The following EEF1G variants were observed in gnomAD, a reference collection of about 807,000 sequenced individuals.
The protein encoded by EEF1G is eukaryotic translation elongation factor 1 gamma, also known as elongation factor 1-gamma.
A neutral mutation model predicts 58.3 loss-of-function variants in EEF1G; 14 were observed. That is an observed-to-expected ratio of 0.24 (90% CI 0.16 to 0.38). The LOEUF is 0.38. EEF1G is among the 10% of genes least tolerant of loss of function. The probability of loss-of-function intolerance (pLI) is 1.00; values close to 1 mark genes in which losing one functional copy is unlikely to be tolerated. For synonymous variants in EEF1G, 180 were observed against 206.8 expected (o/e 0.87, Z 1.11); for missense variants, 322 against 550.1 (o/e 0.59, Z 4.15).
At position 62,568,387 on chromosome 11, in the gene EEF1G, C is replaced by CA. The variant is rs56838630; in HGVS notation, c.523-860dup. ...TGGGTGACAGAGTGAGACTCTGTCT[C>CA]AAAAAAAAAAAAAAAAAAAAAAAAT... On this transcript the variant is annotated intron_variant, in intron 5 of 9. Coordinates refer to ENST00000329251, the MANE Select transcript of EEF1G (RefSeq NM_001404.5). Among the ~76,000 whole-genome samples, 203 of 59,996 alleles carry CA rather than the reference C, an allele frequency of 3.4e-3. 1 individual carries two copies. Among genetic ancestry groups the CA allele is most frequent in the Admixed American group, 7.4e-3 (38 of 5,168 alleles). 39.4% of individuals were successfully genotyped at this position (59,996 alleles called of 152,430 possible).
intron 7 of EEF1G, 77 bp from the exon 8 acceptor site, chr11:62,560,531 C>G (rs1423108800): frequency 7.4e-6 from 11 of 1,489,568 alleles, no homozygotes; most frequent in Non-Finnish European, 9.1e-6. Flanking sequence ...GGTGCTTTCA[C>G]TTAAAATTTA....
At chr11:62,572,513 C>T in intron 2 of EEF1G, 71 bp downstream of exon 2, 1 of 1,586,114 alleles carries the variant, frequency 6.3e-7, no homozygotes, top group Non-Finnish European at 8.6e-7. Flanking sequence ...ATGGGGGCCA[C>T]CACCAGAGTG....
chr11:62,563,582 T>C (rs758602127), intron 7 of EEF1G, among the ~76,000 whole-genome samples: 1 of 152,252 alleles, frequency 6.6e-6, no homozygotes, highest in Admixed American at 6.5e-5. Flanking sequence ...AACATTTTAA[T>C]GGCCAAACAA....
chr11:62,573,180 G>GA (rs1342313585), intron 1 of EEF1G: 1 of 158,256 alleles, frequency 6.3e-6, no homozygotes, highest in East Asian at 1.9e-4. Flanking sequence ...TGTCTCTAAG[G>GA]CACGCACGAC....
At chr11:62,572,031 C>T in intron 2 of EEF1G, 130 bp from the exon 3 acceptor site, 1 of 782,324 alleles carries the variant, frequency 1.3e-6, no homozygotes, top group Non-Finnish European at 2.1e-6. Flanking sequence ...TCTTGATACT[C>T]AAGAACCATA....
chr11:62,565,468 T>C (rs1248159621), intron 7 of EEF1G, among the ~76,000 whole-genome samples: 3 of 152,150 alleles, frequency 2.0e-5, no homozygotes, highest in South Asian at 4.1e-4. Flanking sequence ...TTAATAAACA[T>C]TCCCAAAACC....
At chr11:62,570,353 T>C (rs775383324) in intron 5 of EEF1G, among the ~76,000 whole-genome samples, 1 of 152,068 alleles carries the variant, frequency 6.6e-6, no homozygotes, top group Non-Finnish European at 1.5e-5. Flanking sequence ...TTAGACACAG[T>C]GCCTGGCCTG....
intron 5 of EEF1G, among the ~76,000 whole-genome samples, chr11:62,569,482 CATAA>C (rs1209836478): frequency 1.3e-5 from 2 of 152,044 alleles, no homozygotes; most frequent in East Asian, 3.9e-4. Context: ...AAAATAAATA[CATAA>C]ATAAATAAAT....
chr11:62,567,390 C>A lies in EEF1G; in HGVS notation c.652+9G>T. 6.2e-7 allele frequency: 1 copy of A among 1,608,594 alleles called. No individual in the cohort carries two copies. The highest frequency in any genetic ancestry group is 8.5e-7 in the Non-Finnish European group (1 of 1,177,220). On this transcript the variant is annotated intron_variant, in intron 6 of 9. Coordinates refer to ENST00000329251, the MANE Select transcript of EEF1G (RefSeq NM_001404.5). ...CTGGCCATATGCCTCCCAGTCTCCT[C>A]AGACTCACCATCAAACTGGGCCATC...
Position 62,566,921 on chromosome 11 carries a change from G to C in EEF1G, c.742C>G (p.Arg248Gly), listed in dbSNP as rs371308314. ...REEKQKPQAERKEEKKAAAPA... is the reference protein window; with the variant it reads ...REEKQKPQAEGKEEKKAAAPA... ...GCAGCCGCCTTTTTCTCCTCCTTCC[G>C]CTCAGCCTGGGGCTTCTGCTTCTCT... The change falls in exon 7 of 10, where the codon CGG (arginine) becomes GGG (glycine). Residue 248 changes from arginine to glycine, a missense_variant. Transcript: ENST00000329251. 3.7e-6 allele frequency: 6 copies of C among 1,613,752 alleles called. No individual in the cohort carries two copies. The East Asian group carries it at 1.3e-4, about 36-fold the overall frequency.
At chr11:62,570,266 T>G (rs1027005266) in intron 5 of EEF1G, among the ~76,000 whole-genome samples, 4 of 152,132 alleles carry the variant, frequency 2.6e-5, no homozygotes, top group African/African-American at 9.7e-5. Flanking sequence ...TTCGCCATGC[T>G]GGCCAGGATG....
In EEF1G at chr11:62,571,881, A is replaced by C; in HGVS notation, c.192T>G (p.Asp64Glu). The C allele has an allele frequency of 1.3e-6, 2 of 1,584,578 alleles. No individual in the cohort carries two copies. The highest frequency in any genetic ancestry group is 1.7e-6 in the Non-Finnish European group (2 of 1,165,188). ...PAGKVPAFEG[D>E]DGFCVFESNA... is the part of the protein sequence containing the mutation. Reference sequence around the variant, plus strand: ...TGCTCTCAAACACACAGAATCCATCATCACCCTCAAATGCTGGGACCTGGG... The same window carrying C: ...TGCTCTCAAACACACAGAATCCATCCTCACCCTCAAATGCTGGGACCTGGG... The change falls in exon 3 of 10, where the codon GAT becomes GAG. Residue 64 changes from aspartate (D) to glutamate (E), a missense_variant. Around this residue, in one of 3 missense-constraint regions of EEF1G, gnomAD observed 62 missense variants for 87.0 expected, o/e 0.71. Coordinates refer to ENST00000329251, the MANE Select transcript of EEF1G (RefSeq NM_001404.5).
chr11:62,559,984 ACATC>A, intron 9 of EEF1G, 81 bp downstream of exon 9: 3 of 1,607,192 alleles, frequency 1.9e-6, no homozygotes, highest in Non-Finnish European at 1.7e-6. Flanking sequence ...ACCCTCCTAA[ACATC>A]CATCAACTCA....
At chr11:62,570,071 T>C (rs148136007) in intron 5 of EEF1G, among the ~76,000 whole-genome samples, 1 of 152,076 alleles carries the variant, frequency 6.6e-6, no homozygotes, top group East Asian at 1.9e-4. Flanking sequence ...AGCTTTTTTT[T>C]TTTTTTTGAG....
In EEF1G at chr11:62,566,951, G is replaced by A. The variant is rs778611401; in HGVS notation, c.712C>T (p.Arg238Trp). The A allele has an allele frequency of 1.2e-6, 2 of 1,613,952 alleles. No individual in the cohort carries two copies. The highest frequency in any genetic ancestry group is 1.1e-5 in the South Asian group (1 of 91,074). Residue 238 changes from arginine (R) to tryptophan (W), a missense_variant, in exon 7 of 10, where the codon CGG (arginine) becomes TGG (tryptophan). Coordinates refer to ENST00000329251, the MANE Select transcript of EEF1G (RefSeq NM_001404.5). ...GCCTGGGGCTTCTGCTTCTCTTCCC[G>A]TGAACCCTTCTCTTTCCGTGGTGTG... ...KDTPRKEKGS[R>W]EEKQKPQAER... is the part of the protein sequence containing the mutation.
chr11:62,572,000 G>T, intron 2 of EEF1G, 99 bp from the exon 3 acceptor site: 2 of 1,017,248 alleles, frequency 2.0e-6, no homozygotes, highest in Non-Finnish European at 3.0e-6. Context: ...ATATAAGGCT[G>T]ATGATTCTCA....
At chr11:62,571,514 G>C (rs1941631087) in intron 4 of EEF1G, 26 bp downstream of exon 4, 1 of 1,580,306 alleles carries the variant, frequency 6.3e-7, no homozygotes, top group East Asian at 2.3e-5. Flanking sequence ...CCTGCCCCTG[G>C]CTTCTCTCAA....
intron 1 of EEF1G, chr11:62,573,488 C>A: frequency 6.8e-6 from 3 of 441,568 alleles, no homozygotes; most frequent in Non-Finnish European, 8.3e-6. Context: ...TTCAACCTGT[C>A]CCCTGTGTTA....
rs1486510908 is a variant in EEF1G, at chr11:62,567,485, C to T, written c.566G>A (p.Arg189His). The T allele has an allele frequency of 6.2e-7, 1 of 1,611,474 alleles. No homozygotes were observed. The highest frequency in any genetic ancestry group is 1.7e-5 in the Admixed American group (1 of 59,668). The change falls in exon 6 of 10, where the codon CGC becomes CAC. Residue 189 changes from arginine to histidine, a missense_variant. This residue lies in a region of EEF1G where 208 missense variants were observed against 323.7 expected (regional missense o/e 0.64). Transcript: ENST00000329251. ...CTGGTTAATGCAGGTGAGGAACCAGCGGTTGGTATTGGGAAAGGCCTGGCG... is the reference window on the plus strand; with the variant it reads ...CTGGTTAATGCAGGTGAGGAACCAGTGGTTGGTATTGGGAAAGGCCTGGCG... The part of the protein sequence containing the change: ...SFRQAFPNTN[R>H]WFLTCINQPQ...
Sources: gnomAD v4.1 joint callset for allele counts (sites outside exome capture counted in the v4.1 genomes callset) on GRCh38, gnomAD v4.1.1 for gene constraint, gnomAD v4.1.1 regional missense constraint, MANE v1.5 for transcripts, NCBI Gene and HGNC (gene_info 2026-07-23, HGNC 2026-07-21) for gene names.